The following KAZN variants were observed in gnomAD, a reference collection of about 807,000 sequenced individuals.
KAZN encodes the protein kazrin, periplakin interacting protein, also known as kazrin.
A neutral mutation model predicts 87.4 loss-of-function variants in KAZN; 40 were observed. That is an observed-to-expected ratio of 0.46 (90% CI 0.36 to 0.60). The LOEUF is 0.60. Among genes scored for constraint, KAZN ranks in the 20% least tolerant of loss-of-function variants. The probability of loss-of-function intolerance (pLI) is 0.00; values close to 1 mark genes in which losing one functional copy is unlikely to be tolerated. For synonymous variants in KAZN, 466 were observed against 458.3 expected, an observed-to-expected ratio of 1.02 and a Z score of -0.22; for missense variants, 898 against 1,073.9, an observed-to-expected ratio of 0.84 and a Z score of 2.29.
intron 2 of KAZN, among the ~76,000 whole-genome samples, chr1:14,203,922 G>A (rs1454524851): frequency 6.6e-6 from 1 of 152,186 alleles, no homozygotes; most frequent in Non-Finnish European, 1.5e-5. Flanking sequence ...GAAATGGATG[G>A]CCTCTCCTTA....
At chr1:14,576,878 A>C (rs112488488) in intron 2 of KAZN, among the ~76,000 whole-genome samples, 7 of 152,168 alleles carry the variant, frequency 4.6e-5, no homozygotes, top group African/African-American at 1.4e-4. Context: ...CAATTTGTCT[A>C]CTCCTCCCAT....
chr1:14,415,824 C>A (rs1262405923), intron 2 of KAZN, among the ~76,000 whole-genome samples: 1 of 151,836 alleles, frequency 6.6e-6, no homozygotes, highest in Non-Finnish European at 1.5e-5. Context: ...ACCCCTTGTG[C>A]TTGTGTTGTT....
chr1:13,967,105 G>A (rs1170668906), intron 1 of KAZN, among the ~76,000 whole-genome samples: 1 of 152,126 alleles, frequency 6.6e-6, no homozygotes, highest in African/African-American at 2.4e-5. Flanking sequence ...ATGCAGCACA[G>A]ATTAAAGTTA....
intron 1 of KAZN, among the ~76,000 whole-genome samples, chr1:14,689,062 G>A (rs1641128786): frequency 6.6e-6 from 1 of 152,144 alleles, no homozygotes; most frequent in South Asian, 2.1e-4. Flanking sequence ...AGACATGGTG[G>A]TGCGTGCCTG....
At chr1:13,955,348 C>A (rs913319421) in intron 1 of KAZN, among the ~76,000 whole-genome samples, 3 of 151,854 alleles carry the variant, frequency 2.0e-5, no homozygotes, top group Non-Finnish European at 4.4e-5. Context: ...GTTTTTATTG[C>A]CTATTTTACT....
intron 1 of KAZN, among the ~76,000 whole-genome samples, chr1:14,804,959 C>T (rs576322179): frequency 6.6e-6 from 1 of 152,284 alleles, no homozygotes; most frequent in Admixed American, 6.5e-5. Flanking sequence ...ATTTTGTTGA[C>T]ATTTAATTAT....
At chr1:14,238,974 T>C (rs1249613575) in intron 2 of KAZN, among the ~76,000 whole-genome samples, 1 of 152,246 alleles carries the variant, frequency 6.6e-6, no homozygotes, top group Admixed American at 6.5e-5. Flanking sequence ...GTTTCATTTG[T>C]ACTGGGATTG....
chr1:14,903,176 A>G (rs1656126471), intron 1 of KAZN, among the ~76,000 whole-genome samples: 1 of 151,968 alleles, frequency 6.6e-6, no homozygotes, highest in Non-Finnish European at 1.5e-5. Context: ...GCCGCCTCTT[A>G]TTTCTGTGGT....
chr1:14,852,260 C>T (rs1373779261), intron 1 of KAZN, among the ~76,000 whole-genome samples: 1 of 152,214 alleles, frequency 6.6e-6, no homozygotes, highest in Non-Finnish European at 1.5e-5. Flanking sequence ...TTCCTGGGGC[C>T]TCAGAGTAGA....
At chr1:14,178,766 T>A (rs115515451) in intron 1 of KAZN, among the ~76,000 whole-genome samples, 1,933 of 151,404 alleles carry the variant, frequency 0.013, 21 homozygotes, top group Non-Finnish European at 0.019. Context: ...ATTATGAATG[T>A]TACATTTTGG....
chr1:14,018,634 T>G (rs115596397), intron 1 of KAZN, among the ~76,000 whole-genome samples: 3,366 of 152,138 alleles, frequency 0.022, 116 homozygotes, highest in African/African-American at 0.076. Flanking sequence ...CTGTCTTCCA[T>G]GTGTACAGAC....
At position 15,094,850 on chromosome 1, in the gene KAZN, G is replaced by T; in HGVS notation, c.1464G>T (p.Leu488=). ...LLSLSDEDLQ[L]GLGVCSSLHR... ...GCCTGAGTGACGAGGACCTGCAGCT[G>T]GGCCTTGGGGTGTGCAGCTCCCTGC... The change falls in exon 10 of 15, where the codon CTG becomes CTT. Residue 488 remains leucine, a synonymous_variant. Coordinates refer to ENST00000376030, the MANE Select transcript of KAZN (RefSeq NM_201628.3). The surrounding 1 kb of genome is among the most constrained non-coding windows in gnomAD (Gnocchi z 4.5). 1 of 1,550,518 alleles carries T rather than the reference G, an allele frequency of 6.4e-7. No homozygotes were observed. The highest frequency in any genetic ancestry group is 1.2e-5 in the South Asian group (1 of 84,056).
chr1:13,977,126 T>A (rs1476964097), intron 1 of KAZN, among the ~76,000 whole-genome samples: 1 of 152,220 alleles, frequency 6.6e-6, no homozygotes. Flanking sequence ...GATCCTTACC[T>A]GTGCAGGAAG....
At chr1:14,213,879 A>G (rs1646906002) in intron 2 of KAZN, among the ~76,000 whole-genome samples, 1 of 152,214 alleles carries the variant, frequency 6.6e-6, no homozygotes, top group Admixed American at 6.5e-5. Flanking sequence ...GAGCCTAGGC[A>G]TATTTTTAAG....
chr1:14,123,782 T>C (rs1194384999), intron 1 of KAZN, among the ~76,000 whole-genome samples: 1 of 152,056 alleles, frequency 6.6e-6, no homozygotes, highest in Non-Finnish European at 1.5e-5. Context: ...AAGCCCCCAG[T>C]GGGCCTATAT....
Position 14,000,546 on chromosome 1 carries a change from T to C in KAZN, c.91+106790T>C, listed in dbSNP as rs151077606. ...CAATAAACTAGGCATTGATGGAACATATCTCAAAATAATAAGAGCTATTTA... is the reference window on the plus strand; with the variant it reads ...CAATAAACTAGGCATTGATGGAACACATCTCAAAATAATAAGAGCTATTTA... On this transcript the variant is annotated intron_variant, in intron 1 of 16. Coordinates refer to the KAZN transcript ENST00000636203. Among the ~76,000 whole-genome samples the C allele has an allele frequency of 4.5e-3, 681 of 152,294 alleles. 1 individual carries two copies. The highest frequency in any genetic ancestry group is 0.014 in the African/African-American group (573 of 41,566).
At chr1:14,503,001 A>G (rs1380596445) in intron 2 of KAZN, among the ~76,000 whole-genome samples, 1 of 152,002 alleles carries the variant, frequency 6.6e-6, no homozygotes, top group African/African-American at 2.4e-5. Flanking sequence ...CTTTCAGAAT[A>G]CCTAAATGTC....
chr1:14,510,412 C>CA (rs1670843592), intron 2 of KAZN, among the ~76,000 whole-genome samples: 1 of 150,374 alleles, frequency 6.7e-6, no homozygotes, highest in South Asian at 2.1e-4. Context: ...TTCAGTGCAA[C>CA]AAATAGGTCA....
intron 1 of KAZN, among the ~76,000 whole-genome samples, chr1:14,076,273 T>G (rs1176035005): frequency 4.0e-5 from 6 of 151,052 alleles, no homozygotes; most frequent in Non-Finnish European, 8.8e-5. Flanking sequence ...AGAGCGAGAC[T>G]CCGTCTAAAA....
Sources: allele counts gnomAD v4.1 joint callset (sites outside exome capture counted in the v4.1 genomes callset), GRCh38; gene constraint gnomAD v4.1.1; non-coding constraint Gnocchi (gnomAD v3.1); transcripts MANE v1.5; gene names NCBI Gene and HGNC (gene_info 2026-07-23, HGNC 2026-07-21).